Variants in SENP8 observed in about 807,000 individuals in gnomAD.
SENP8 encodes sentrin-specific protease 8.
In SENP8, 10 loss-of-function variants were observed where a neutral mutation model predicts 14.4. The ratio of observed to expected loss-of-function variants is 0.69; its 90% CI spans 0.43 to 1.18. The LOEUF (loss-of-function observed/expected upper bound fraction) is 1.18. Ranked by LOEUF, SENP8 falls within the 50% of genes most tolerant of loss-of-function variation. The pLI is 0.00. For synonymous variants in SENP8, 94 were observed against 95.5 expected (o/e 0.98, Z 0.09); for missense variants, 202 against 249.4 (o/e 0.81, Z 1.28).
chr15:72,126,199 C>G (rs565283132), intron 1 of SENP8, among the ~76,000 whole-genome samples: 18 of 152,250 alleles, frequency 1.2e-4, no homozygotes, highest in Admixed American at 1.1e-3. Context: ...TATACTAGCA[C>G]TAGCCACATG....
intron 1 of SENP8, among the ~76,000 whole-genome samples, chr15:72,120,631 C>T (rs930608207): frequency 1.8e-4 from 28 of 151,930 alleles, no homozygotes; most frequent in Admixed American, 1.5e-3. Context: ...AAATAGAATA[C>T]GTAGTAATAT....
At chr15:72,135,350 C>G (rs988324911) in intron 1 of SENP8, 1 of 151,902 alleles carries the variant, frequency 6.6e-6, no homozygotes, top group South Asian at 2.1e-4. Context: ...GTGTGAGCCA[C>G]CATGCCCAGC....
intron 1 of SENP8, chr15:72,134,931 CTG>C: frequency 3.3e-6 from 1 of 299,832 alleles, no homozygotes; most frequent in Non-Finnish European, 6.5e-6. Flanking sequence ...ATTAAGCACT[CTG>C]AGAACAGAGA....
chr15:72,133,392 C>G (rs548101326), intron 1 of SENP8, among the ~76,000 whole-genome samples: 1 of 152,222 alleles, frequency 6.6e-6, no homozygotes, highest in Non-Finnish European at 1.5e-5. Context: ...CTCTACTACT[C>G]CCACTTCATT....
intron 1 of SENP8, among the ~76,000 whole-genome samples, chr15:72,124,778 A>G (rs1303331892): frequency 6.6e-6 from 1 of 152,126 alleles, no homozygotes; most frequent in Non-Finnish European, 1.5e-5. Context: ...TTCATTATTA[A>G]AAAAGGGGGA....
Position 72,143,247 on chromosome 15 carries a change from G to C in SENP8, c.*2985G>C, listed in dbSNP as rs1023336148. 1 of 151,592 alleles carries C rather than the reference G, an allele frequency of 6.6e-6. No homozygotes were observed. Among genetic ancestry groups the C allele is most frequent in the Non-Finnish European group, 1.5e-5 (1 of 67,946 alleles). The allele number at this position is 151,592 out of a possible 1,614,324, so 9.4% of individuals were successfully genotyped here. On this transcript the variant is annotated 3_prime_UTR_variant, in exon 2 of 2. Transcript: ENST00000340912. The stretch of plus-strand genomic sequence containing the variant: ...CAGAAATGTACATGCTATGGTGTTA[G>C]AGCATGAATGTCAAATCCAGGGTCT...
intron 1 of SENP8, among the ~76,000 whole-genome samples, chr15:72,124,915 T>C (rs2081202254): frequency 6.6e-6 from 1 of 152,210 alleles, no homozygotes; most frequent in South Asian, 2.1e-4. Context: ...TTTTATCATA[T>C]ACAGATGTTT....
chr15:72,135,535 A>G (rs1363644949), intron 1 of SENP8: 1 of 152,206 alleles, frequency 6.6e-6, no homozygotes, highest in African/African-American at 2.4e-5. Context: ...CACACAGCCA[A>G]TGAGTAACAG....
intron 1 of SENP8, among the ~76,000 whole-genome samples, chr15:72,119,259 T>C (rs1225784357): frequency 1.3e-5 from 2 of 152,216 alleles, no homozygotes; most frequent in African/African-American, 2.4e-5. Context: ...CAACCTTGTA[T>C]GTGCATTTGA....
intron 1 of SENP8, among the ~76,000 whole-genome samples, chr15:72,133,151 A>G (rs552406973): frequency 1.2e-3 from 178 of 152,234 alleles, no homozygotes; most frequent in Non-Finnish European, 1.6e-3. Context: ...AGCCTGGGCG[A>G]CAGAGTGAGA....
intron 1 of SENP8, among the ~76,000 whole-genome samples, chr15:72,120,092 C>T (rs1162109037): frequency 2.0e-5 from 3 of 152,206 alleles, no homozygotes; most frequent in African/African-American, 4.8e-5. Context: ...TTATGAGATG[C>T]AAAGACCAAC....
Position 72,140,253 on chromosome 15 carries a change from TA to T in SENP8, c.635del (p.Lys212SerfsTer4). The stretch of plus-strand genomic sequence containing the variant: ...GGAAAGATCTCATTACCACACTTGC[TA>T]AAAAGTAGCTATTGAAGTATATTTG... ...EWKDLITTLA[K>X]K On this transcript the variant is annotated frameshift_variant, in exon 2 of 2. Transcript: ENST00000340912. LOFTEE classifies it high-confidence loss of function. 1 of 1,610,518 alleles carries T rather than the reference TA, an allele frequency of 6.2e-7. No homozygotes were observed.
At position 72,139,906 on chromosome 15, in the gene SENP8, A is replaced by G; in HGVS notation, c.283A>G (p.Asn95Asp). Reference sequence around the variant, plus strand: ...ATTTTTAGCCATCAATGATAACTCCAACCAGGCAGCTGGAGGAACCCACTG... The same window carrying G: ...ATTTTTAGCCATCAATGATAACTCCGACCAGGCAGCTGGAGGAACCCACTG... Reference protein sequence around the residue: ...VVFLAINDNSNQAAGGTHWSL... With the variant: ...VVFLAINDNSDQAAGGTHWSL... Residue 95 changes from asparagine (N) to aspartate (D), a missense_variant, in exon 2 of 2, where the codon AAC becomes GAC. Physicochemically the swap from Asn to Asp is conservative, Grantham distance 23. Transcript: ENST00000340912. 2 of 1,614,264 alleles carry G rather than the reference A, an allele frequency of 1.2e-6. No homozygotes were observed. The highest frequency in any genetic ancestry group is 1.7e-6 in the Non-Finnish European group (2 of 1,180,032).
At chr15:72,122,090 T>C (rs1567065427) in intron 1 of SENP8, among the ~76,000 whole-genome samples, 1 of 152,212 alleles carries the variant, frequency 6.6e-6, no homozygotes, top group Non-Finnish European at 1.5e-5. Context: ...AACTCCTCTC[T>C]TTTTGCCAAT....
At chr15:72,124,209 T>C (rs2081192734) in intron 1 of SENP8, among the ~76,000 whole-genome samples, 1 of 152,248 alleles carries the variant, frequency 6.6e-6, no homozygotes, top group South Asian at 2.1e-4. Flanking sequence ...TTTCAAGATA[T>C]GTTTCACTTC....
chr15:72,123,174 A>C (rs1433121208), intron 1 of SENP8, among the ~76,000 whole-genome samples: 1 of 152,216 alleles, frequency 6.6e-6, no homozygotes, highest in Non-Finnish European at 1.5e-5. Context: ...AATGAGATTA[A>C]AAGATCATAG....
chr15:72,135,348 C>T (rs1358400964), intron 1 of SENP8: 4 of 152,124 alleles, frequency 2.6e-5, no homozygotes, highest in Non-Finnish European at 5.9e-5. Context: ...AGGTGTGAGC[C>T]ACCATGCCCA....
At chr15:72,123,129 A>C (rs2081183086) in intron 1 of SENP8, among the ~76,000 whole-genome samples, 2 of 152,250 alleles carry the variant, frequency 1.3e-5, no homozygotes, top group East Asian at 3.8e-4. Context: ...ATCTATGAAA[A>C]AAATAACTTG....
intron 1 of SENP8, among the ~76,000 whole-genome samples, chr15:72,133,969 G>A (rs2081302257): frequency 6.6e-6 from 1 of 151,808 alleles, no homozygotes; most frequent in Non-Finnish European, 1.5e-5. Context: ...TGTTTTTTTG[G>A]ATGGAGTCTC....
Sources: gnomAD v4.1 joint callset for allele counts (sites outside exome capture counted in the v4.1 genomes callset) on GRCh38, gnomAD v4.1.1 for gene constraint, MANE v1.5 for transcripts, NCBI Gene and HGNC (gene_info 2026-07-23, HGNC 2026-07-21) for gene names.